Variants in KIF2C observed in about 807,000 individuals in gnomAD.
The protein encoded by KIF2C is kinesin-like protein KIF2C.
KIF2C carries 34 observed loss-of-function variants against 97.4 expected under a neutral mutation model. That is an observed-to-expected ratio of 0.35 (90% CI 0.27 to 0.46). The LOEUF (loss-of-function observed/expected upper bound fraction) is 0.46. Ranked by LOEUF, KIF2C falls within the 20% of genes least tolerant of loss-of-function variation. The probability of loss-of-function intolerance (pLI) is 1.00; values close to 1 mark genes in which losing one functional copy is unlikely to be tolerated. For synonymous variants in KIF2C, 313 were observed against 318.2 expected (o/e 0.98, Z 0.17); for missense variants, 750 against 907.6 (o/e 0.83, Z 2.23).
At chr1:44,754,001 C>T (rs527666457) in intron 7 of KIF2C, among the ~76,000 whole-genome samples, 168 bp downstream of exon 7, 2 of 111,556 alleles carry the variant, frequency 1.8e-5, no homozygotes, top group East Asian at 3.1e-4. Context: ...GTTGCCCTGG[C>T]TGGAGTGCAG....
chr1:44,755,828 G>C (rs1649798028), intron 8 of KIF2C, 101 bp from the exon 9 acceptor site: 2 of 1,076,806 alleles, frequency 1.9e-6, no homozygotes. Flanking sequence ...CCTCTGACTG[G>C]GCCAGACATG....
intron 6 of KIF2C, 48 bp downstream of exon 6, chr1:44,753,302 T>G (rs781580646): frequency 1.3e-6 from 2 of 1,579,206 alleles, no homozygotes; most frequent in Non-Finnish European, 1.7e-6. Flanking sequence ...GAGGCACAGA[T>G]AGTTTACATC....
Position 44,760,177 on chromosome 1 carries a change from T to C in KIF2C, c.1368-103T>C. ...GCCTGGGACAGGAAAACAGGACTTT[T>C]TCGCCTCCTAACCTGTGTCCCTCCC... On this transcript the variant is annotated intron_variant, in intron 14 of 20. Coordinates refer to ENST00000372224, the MANE Select transcript of KIF2C (RefSeq NM_006845.4). The surrounding 1 kb of genome is among the most constrained non-coding windows in gnomAD (Gnocchi z 4.2). The C allele has an allele frequency of 3.0e-6, 3 of 1,012,944 alleles. No individual in the cohort carries two copies. Among genetic ancestry groups the C allele is most frequent in the Middle Eastern group, 3.1e-4 (1 of 3,274 alleles). 62.7% of individuals were successfully genotyped at this position (1,012,944 alleles called of 1,614,324 possible). A position where few individuals can be genotyped will look rare whatever the true frequency, so the allele number is the denominator to read the frequency against.
intron 14 of KIF2C, 59 bp downstream of exon 14, chr1:44,759,407 CT>C: frequency 6.3e-7 from 1 of 1,597,210 alleles, no homozygotes; most frequent in South Asian, 1.1e-5. Context: ...TGAGTAAAGT[CT>C]AGCTCTGAGC....
At chr1:44,762,881 C>T (rs927142857) in intron 19 of KIF2C, among the ~76,000 whole-genome samples, 1 of 152,212 alleles carries the variant, frequency 6.6e-6, no homozygotes, top group Non-Finnish European at 1.5e-5. Flanking sequence ...TCTGACATCA[C>T]ACTAGCCAGA....
At position 44,767,620 on chromosome 1, in the gene KIF2C, C is replaced by CT. The variant is rs1650543992; in HGVS notation, c.*444dup. On this transcript the variant is annotated 3_prime_UTR_variant, in exon 21 of 21. Coordinates refer to ENST00000372224, the MANE Select transcript of KIF2C (RefSeq NM_006845.4). Reference sequence around the variant, plus strand: ...TGGGCCGAGCACTGAATGTCTTGTACTTTAAAAAAATGTTTCTGAGACCTC... The same window carrying CT: ...TGGGCCGAGCACTGAATGTCTTGTACTTTTAAAAAAATGTTTCTGAGACCTC... 1 of 163,142 alleles carries CT rather than the reference C, an allele frequency of 6.1e-6. No individual in the cohort carries two copies. The highest frequency in any genetic ancestry group is 1.4e-5 in the Non-Finnish European group (1 of 73,786). 10.1% of individuals were successfully genotyped at this position (163,142 alleles called of 1,614,324 possible). A position where few individuals can be genotyped will look rare whatever the true frequency, so the allele number is the denominator to read the frequency against.
chr1:44,740,786 T>G (rs968861758), intron 1 of KIF2C, 127 bp from the exon 2 acceptor site: 7 of 431,092 alleles, frequency 1.6e-5, no homozygotes, highest in African/African-American at 7.9e-5. Context: ...TTAGTTTTTT[T>G]TTTTTTTTTT....
chr1:44,762,726 A>C, intron 19 of KIF2C, 68 bp downstream of exon 19: 1 of 1,017,162 alleles, frequency 9.8e-7, no homozygotes, highest in Non-Finnish European at 1.5e-6. Context: ...CACCATTCCC[A>C]GAACATGACC....
intron 19 of KIF2C, 31 bp from the exon 20 acceptor site, chr1:44,766,795 T>C (rs1337125174): frequency 6.2e-7 from 1 of 1,611,674 alleles, no homozygotes; most frequent in East Asian, 2.2e-5. Flanking sequence ...TAAATGGTTA[T>C]TGAACTGACA....
At chr1:44,743,266 C>T (rs564952644) in intron 2 of KIF2C, among the ~76,000 whole-genome samples, 3 of 152,180 alleles carry the variant, frequency 2.0e-5, no homozygotes, top group Non-Finnish European at 2.9e-5. Flanking sequence ...AACCTGGATT[C>T]TAGTCTGGCT....
At position 44,739,986 on chromosome 1, in the gene KIF2C, G is replaced by C; in HGVS notation, c.54G>C (p.Lys18Asn). Residue 18 changes from lysine to asparagine, a missense_variant, in exon 1 of 21, where the codon AAG (lysine) becomes AAC (asparagine). Physicochemically the swap from Lys to Asn is moderately conservative, Grantham distance 94. Transcript: ENST00000372224. The stretch of plus-strand genomic sequence containing the variant: ...GCCTGTTTCCCGGTCTCGCTATCAA[G>C]ATCCAACGCAGTAATGGTGAGGAGC... ...QARLFPGLAI[K>N]IQRSNGLIHS... The C allele has an allele frequency of 6.2e-7, 1 of 1,614,236 alleles. No individual in the cohort carries two copies. Among genetic ancestry groups the C allele is most frequent in the South Asian group, 1.1e-5 (1 of 91,084 alleles).
chr1:44,765,725 C>CT (rs1394841131), intron 19 of KIF2C, among the ~76,000 whole-genome samples: 2 of 152,192 alleles, frequency 1.3e-5, no homozygotes, highest in African/African-American at 4.8e-5. Context: ...GTCTCAGCTA[C>CT]TCGGGAGGCT....
At chr1:44,744,303 TC>T in intron 2 of KIF2C, among the ~76,000 whole-genome samples, 1 of 152,298 alleles carries the variant, frequency 6.6e-6, no homozygotes, top group South Asian at 2.1e-4. Context: ...AGACAGGGTT[TC>T]CCCATGTTGA....
intron 5 of KIF2C, among the ~76,000 whole-genome samples, chr1:44,750,890 G>A (rs959938865): frequency 6.6e-6 from 1 of 152,132 alleles, no homozygotes; most frequent in Non-Finnish European, 1.5e-5. Context: ...AGCCCTGTTT[G>A]TCACATGGGG....
chr1:44,758,701 C>T (rs1395158007), intron 13 of KIF2C, among the ~76,000 whole-genome samples: 1 of 151,908 alleles, frequency 6.6e-6, no homozygotes, highest in Non-Finnish European at 1.5e-5. Context: ...ATGGTGAAAC[C>T]CCATCTCTAC....
intron 17 of KIF2C, 59 bp from the exon 18 acceptor site, chr1:44,762,287 A>T (rs781558484): frequency 2.7e-6 from 4 of 1,466,430 alleles, no homozygotes; most frequent in Admixed American, 1.7e-5. Context: ...GCGGTGCCAC[A>T]TTCCTCTGGT....
Position 44,760,575 on chromosome 1 carries a change from T to G in KIF2C, c.1573-17T>G. On this transcript the variant is annotated splice_polypyrimidine_tract_variant and intron_variant, in intron 15 of 20. Transcript: ENST00000372224. The surrounding 1 kb of genome is among the most constrained non-coding windows in gnomAD (Gnocchi z 4.2). ...CAAGGAAAGAAGGGACCTCAGTTGT[T>G]CCTGCTGCCCCCACAGGAGTGCATC... is the stretch of plus-strand genomic sequence containing the variant. 6.2e-7 allele frequency: 1 copy of G among 1,613,202 alleles called. No individual in the cohort carries two copies. Among genetic ancestry groups the G allele is most frequent in the Non-Finnish European group, 8.5e-7 (1 of 1,179,410 alleles).
At chr1:44,742,067 T>C (rs1000895058) in intron 2 of KIF2C, among the ~76,000 whole-genome samples, 5 of 151,266 alleles carry the variant, frequency 3.3e-5, no homozygotes, top group African/African-American at 1.2e-4. Context: ...GTCAGGTCCA[T>C]TCTAAATTGA....
chr1:44,759,902 C>G (rs7550170), intron 14 of KIF2C, among the ~76,000 whole-genome samples: 68,611 of 151,870 alleles, frequency 0.45, 16,185 homozygotes, highest in African/African-American at 0.59. Flanking sequence ...TGGGGCGCTA[C>G]GCAGCTATAG....
Sources: gnomAD v4.1 joint callset for allele counts (sites outside exome capture counted in the v4.1 genomes callset) on GRCh38, gnomAD v4.1.1 for gene constraint, Gnocchi (gnomAD v3.1) non-coding constraint, MANE v1.5 for transcripts, NCBI Gene and HGNC (gene_info 2026-07-23, HGNC 2026-07-21) for gene names.